KLF12: variants seen among roughly 807,000 people sequenced by gnomAD.
KLF12 encodes Krueppel-like factor 12.
A neutral mutation model predicts 37.8 loss-of-function variants in KLF12; 9 were observed. The observed-to-expected ratio is 0.24, with a 90% confidence interval of 0.14 to 0.42. KLF12 has a LOEUF of 0.42. KLF12 is among the 10% of genes least tolerant of loss of function. The pLI, the probability that KLF12 is intolerant of heterozygous loss-of-function variation, is 1.00. For missense variants in KLF12, 411 were observed against 516.0 expected (o/e 0.80, Z 1.97); for synonymous variants, 208 against 202.1 (o/e 1.03, Z -0.25).
At chr13:73,972,013 T>G (rs1329186978) in intron 2 of KLF12, among the ~76,000 whole-genome samples, 2 of 152,182 alleles carry the variant, frequency 1.3e-5, no homozygotes, top group Non-Finnish European at 2.9e-5. Context: ...ACCGAATCAT[T>G]AAGTGTTCAT....
intron 3 of KLF12, among the ~76,000 whole-genome samples, chr13:73,871,636 A>G (rs755995229): frequency 2.6e-5 from 4 of 152,110 alleles, no homozygotes; most frequent in Admixed American, 6.5e-5. Flanking sequence ...CACATTCGCT[A>G]TCTCTGAACA....
At chr13:73,877,920 A>C (rs1210043254) in intron 3 of KLF12, among the ~76,000 whole-genome samples, 1 of 152,130 alleles carries the variant, frequency 6.6e-6, no homozygotes, top group Non-Finnish European at 1.5e-5. Context: ...GCCTTTTCCA[A>C]GACTACTCTG....
At chr13:73,865,719 A>G (rs1038696067) in intron 3 of KLF12, among the ~76,000 whole-genome samples, 5 of 152,208 alleles carry the variant, frequency 3.3e-5, no homozygotes, top group Admixed American at 6.5e-5. Flanking sequence ...TCCAACATGT[A>G]CTTTAAAATA....
the KLF12 span, among the ~76,000 whole-genome samples, chr13:74,275,807 C>CTTCTTTCTTTCTTTCT: frequency 6.0e-5 from 3 of 50,314 alleles, no homozygotes; most frequent in South Asian, 9.5e-4. Flanking sequence ...TCTTTCTTTC[C>CTTCTTTCTTTCTTTCT]TTCTTTCTTT....
the KLF12 span, among the ~76,000 whole-genome samples, chr13:74,223,325 G>T: frequency 1.2e-4 from 18 of 152,114 alleles, no homozygotes; most frequent in African/African-American, 4.3e-4. Flanking sequence ...ATAATATCTG[G>T]GAGTTTATGA....
At chr13:74,172,910 C>T in the KLF12 span, among the ~76,000 whole-genome samples, 329 of 152,302 alleles carry the variant, frequency 2.2e-3, 4 homozygotes, top group African/African-American at 7.3e-3. Context: ...ATATACCCTT[C>T]GTCCTATTTG....
chr13:73,863,107 T>C (rs1395663819), intron 3 of KLF12, among the ~76,000 whole-genome samples: 2 of 152,178 alleles, frequency 1.3e-5, no homozygotes, highest in Non-Finnish European at 2.9e-5. Context: ...TTATATTTAT[T>C]AGACTCATAT....
At chr13:74,224,684 G>A in the KLF12 span, among the ~76,000 whole-genome samples, 2 of 152,062 alleles carry the variant, frequency 1.3e-5, no homozygotes, top group African/African-American at 4.8e-5. Flanking sequence ...ATGCTTTGTT[G>A]TTTTGAGTTT....
chr13:74,146,249 T>C, the KLF12 span, among the ~76,000 whole-genome samples: 2,876 of 152,338 alleles, frequency 0.019, 106 homozygotes, highest in African/African-American at 0.063. Flanking sequence ...CAGACTTTCC[T>C]GCCGCTCTAT....
At chr13:74,099,785 T>C (rs1876208763) in intron 1 of KLF12, among the ~76,000 whole-genome samples, 1 of 152,206 alleles carries the variant, frequency 6.6e-6, no homozygotes, top group Non-Finnish European at 1.5e-5. Flanking sequence ...TCTCCACTTC[T>C]GTAGTATACC....
At chr13:73,779,036 A>C (rs773307053) in intron 5 of KLF12, among the ~76,000 whole-genome samples, 15 of 152,228 alleles carry the variant, frequency 9.9e-5, no homozygotes, top group Non-Finnish European at 2.2e-4. Context: ...CATCTAATTT[A>C]TCAATACACA....
chr13:74,135,174 G>A (rs1054372486), upstream of KLF12, among the ~76,000 whole-genome samples: 3 of 152,022 alleles, frequency 2.0e-5, no homozygotes, highest in Admixed American at 1.3e-4. Flanking sequence ...TCACCTTGGC[G>A]GGATGAATGG....
chr13:74,274,653 A>T, the KLF12 span, among the ~76,000 whole-genome samples: 2 of 149,970 alleles, frequency 1.3e-5, no homozygotes, highest in African/African-American at 4.9e-5. Context: ...TTTCTTTGCT[A>T]GTTTGGCGGC....
chr13:73,956,861 G>A (rs897513705), intron 2 of KLF12, among the ~76,000 whole-genome samples: 2 of 151,884 alleles, frequency 1.3e-5, no homozygotes, highest in African/African-American at 4.8e-5. Context: ...GGAGGTCGAG[G>A]CTATGACCCA....
At chr13:74,214,885 C>T in the KLF12 span, among the ~76,000 whole-genome samples, 3 of 152,130 alleles carry the variant, frequency 2.0e-5, no homozygotes, top group African/African-American at 7.2e-5. Context: ...ACCTCTGCCC[C>T]CCGGGTTCAA....
chr13:73,920,598 G>C (rs1183389576), intron 3 of KLF12, among the ~76,000 whole-genome samples: 1 of 151,936 alleles, frequency 6.6e-6, no homozygotes, highest in Non-Finnish European at 1.5e-5. Context: ...CAAACTTTTT[G>C]AGGCTCTTAG....
intron 2 of KLF12, among the ~76,000 whole-genome samples, chr13:73,960,958 A>T (rs1891004807): frequency 6.6e-6 from 1 of 152,028 alleles, no homozygotes; most frequent in Non-Finnish European, 1.5e-5. Flanking sequence ...TTATTTATTT[A>T]TTTTTTAACT....
At chr13:74,065,461 TC>T (rs5804715) in intron 1 of KLF12, among the ~76,000 whole-genome samples, 140,987 of 152,026 alleles carry the variant, frequency 0.93, 66,298 homozygotes, top group East Asian at 1. Context: ...TCTATAAGAG[TC>T]CCCCAAAGAA....
At chr13:73,794,828 G>T (rs1452758505) in intron 5 of KLF12, among the ~76,000 whole-genome samples, 2 of 152,042 alleles carry the variant, frequency 1.3e-5, no homozygotes, top group African/African-American at 4.8e-5. Flanking sequence ...CCTATGCAAG[G>T]TTCAACTTCT....
Sources: gnomAD v4.1 joint callset for allele counts (sites outside exome capture counted in the v4.1 genomes callset) on GRCh38, gnomAD v4.1.1 for gene constraint, MANE v1.5 for transcripts, NCBI Gene and HGNC (gene_info 2026-07-23, HGNC 2026-07-21) for gene names.